Variants in FMN2 observed in about 807,000 individuals in gnomAD.
The protein encoded by FMN2 is formin 2, also known as formin-2.
FMN2 carries 51 observed loss-of-function variants against 142.3 expected under a neutral mutation model. That is an observed-to-expected ratio of 0.36 (90% CI 0.29 to 0.45). The LOEUF is 0.45. Ranked by LOEUF, FMN2 falls within the 20% of genes least tolerant of loss-of-function variation. The probability of loss-of-function intolerance (pLI) is 1.00; values close to 1 mark genes in which losing one functional copy is unlikely to be tolerated. For synonymous variants in FMN2, 882 were observed against 869.8 expected (o/e 1.01, Z -0.25); for missense variants, 1,936 against 2,122.8 (o/e 0.91, Z 1.73).
chr1:240,182,606 G>A (rs372157575), intron 3 of FMN2, among the ~76,000 whole-genome samples: 1 of 152,130 alleles, frequency 6.6e-6, no homozygotes, highest in African/African-American at 2.4e-5. Context: ...TATGTAAAAT[G>A]TACAAAAGGA....
At chr1:240,415,838 C>T (rs1388892468) in intron 15 of FMN2, among the ~76,000 whole-genome samples, 1 of 152,192 alleles carries the variant, frequency 6.6e-6, no homozygotes, top group Non-Finnish European at 1.5e-5. Context: ...AGATACATCC[C>T]TGTCCTGGAA....
intron 15 of FMN2, among the ~76,000 whole-genome samples, chr1:240,424,493 A>G (rs1209592523): frequency 6.6e-6 from 1 of 152,200 alleles, no homozygotes; most frequent in East Asian, 1.9e-4. Flanking sequence ...ATGTGGGGAT[A>G]TGGGAATGAG....
intron 15 of FMN2, among the ~76,000 whole-genome samples, chr1:240,437,660 A>G (rs1279381150): frequency 1.3e-5 from 2 of 152,138 alleles, no homozygotes; most frequent in African/African-American, 4.8e-5. Flanking sequence ...TATAAGCAAT[A>G]TAATATAGAT....
At chr1:240,170,104 A>G (rs1309504887) in intron 2 of FMN2, 2 of 608,158 alleles carry the variant, frequency 3.3e-6, no homozygotes, top group Non-Finnish European at 5.8e-6. Flanking sequence ...TTCCTCTCAG[A>G]CAGTAATAAT....
At chr1:240,323,348 C>T (rs1450491136) in intron 8 of FMN2, among the ~76,000 whole-genome samples, 3 of 152,012 alleles carry the variant, frequency 2.0e-5, no homozygotes, top group Non-Finnish European at 4.4e-5. Flanking sequence ...GCATCTGCCA[C>T]CACGCCCGGC....
chr1:240,201,142 A>G (rs913421630), intron 4 of FMN2, among the ~76,000 whole-genome samples: 8 of 152,124 alleles, frequency 5.3e-5, no homozygotes, highest in Admixed American at 1.3e-4. Flanking sequence ...AATAAAATAC[A>G]TAACAGAAAT....
chr1:240,245,676 G>A (rs1187758369), intron 6 of FMN2: 9 of 459,110 alleles, frequency 2.0e-5, no homozygotes, highest in African/African-American at 1.4e-4. Context: ...GGTCTCTGTT[G>A]TGACTTGTAA....
At chr1:240,326,591 G>C (rs1380062526) in intron 8 of FMN2, among the ~76,000 whole-genome samples, 1 of 152,124 alleles carries the variant, frequency 6.6e-6, no homozygotes, top group African/African-American at 2.4e-5. Context: ...CCATGGAGTA[G>C]GATTCTGGTC....
intron 7 of FMN2, among the ~76,000 whole-genome samples, chr1:240,274,779 G>A (rs1669135840): frequency 6.6e-6 from 1 of 152,100 alleles, no homozygotes; most frequent in African/African-American, 2.4e-5. Context: ...CGAGGGAGGA[G>A]GCAACAGGTT....
intron 4 of FMN2, among the ~76,000 whole-genome samples, chr1:240,189,799 A>G (rs928062423): frequency 3.9e-5 from 6 of 152,260 alleles, no homozygotes; most frequent in African/African-American, 1.4e-4. Flanking sequence ...AGAAAGAAAG[A>G]TAAAAAGGTA....
At chr1:240,149,088 G>A (rs991224859) in intron 2 of FMN2, among the ~76,000 whole-genome samples, 3 of 152,084 alleles carry the variant, frequency 2.0e-5, no homozygotes, top group Non-Finnish European at 4.4e-5. Flanking sequence ...ATTAACATGT[G>A]TTTTGAAATG....
chr1:240,330,549 A>G, intron 10 of FMN2, 54 bp from the exon 11 acceptor site: 11 of 1,582,600 alleles, frequency 7.0e-6, no homozygotes, highest in African/African-American at 1.4e-5. Flanking sequence ...CGATGATTCA[A>G]ACAAAACCTG....
intron 8 of FMN2, among the ~76,000 whole-genome samples, chr1:240,317,872 A>G (rs933036725): frequency 2.0e-5 from 3 of 152,152 alleles, no homozygotes; most frequent in African/African-American, 7.2e-5. Context: ...GCAGCAATAT[A>G]TGAGAGGTCC....
chr1:240,208,865 AAT>A, intron 5 of FMN2, 133 bp downstream of exon 5: 1 of 1,158,548 alleles, frequency 8.6e-7, no homozygotes, highest in African/African-American at 1.5e-5. Context: ...TTTTTACATC[AAT>A]ATATAGTGCA....
At chr1:240,283,949 C>T (rs957397377) in intron 7 of FMN2, among the ~76,000 whole-genome samples, 6 of 152,108 alleles carry the variant, frequency 3.9e-5, no homozygotes, top group Admixed American at 1.3e-4. Flanking sequence ...TATGATCCAT[C>T]GGCATTGTGC....
chr1:240,159,972 TATACACAC>T (rs1481437533), intron 2 of FMN2, among the ~76,000 whole-genome samples: 1 of 126,476 alleles, frequency 7.9e-6, no homozygotes, highest in Non-Finnish European at 1.6e-5. Flanking sequence ...TATATATATA[TATACACAC>T]ACACACACAC....
intron 7 of FMN2, among the ~76,000 whole-genome samples, chr1:240,279,129 C>T (rs989173646): frequency 3.9e-5 from 6 of 152,094 alleles, no homozygotes; most frequent in Admixed American, 1.3e-4. Flanking sequence ...TAGGTTAAAC[C>T]TTCCTCCAAC....
At chr1:240,166,022 G>T (rs966343022) in intron 2 of FMN2, among the ~76,000 whole-genome samples, 1 of 151,862 alleles carries the variant, frequency 6.6e-6, no homozygotes. Context: ...CGCTCACTAG[G>T]TCTGTGTTCT....
At chr1:240,270,092 G>A (rs765317535) in intron 7 of FMN2, among the ~76,000 whole-genome samples, 9 of 152,006 alleles carry the variant, frequency 5.9e-5, no homozygotes, top group South Asian at 4.1e-4. Flanking sequence ...GAGAGTAGGC[G>A]TCCTTGTCTT....
Sources: allele counts gnomAD v4.1 joint callset (sites outside exome capture counted in the v4.1 genomes callset), GRCh38; gene constraint gnomAD v4.1.1; transcripts MANE v1.5; gene names NCBI Gene and HGNC (gene_info 2026-07-23, HGNC 2026-07-21).